Variants in KCNIP1 observed in about 807,000 individuals in gnomAD.
KCNIP1 encodes A-type potassium channel modulatory protein KCNIP1.
A neutral mutation model predicts 33.0 loss-of-function variants in KCNIP1; 18 were observed. That is an observed-to-expected ratio of 0.55 (90% CI 0.38 to 0.81). KCNIP1 has a LOEUF of 0.81. Among genes scored for constraint, KCNIP1 ranks in the 30% least tolerant of loss-of-function variants. The probability of loss-of-function intolerance (pLI) is 0.00; values close to 1 mark genes in which losing one functional copy is unlikely to be tolerated. For synonymous variants in KCNIP1, 93 were observed against 98.3 expected (o/e 0.95, Z 0.32); for missense variants, 238 against 271.6 (o/e 0.88, Z 0.87).
chr5:170,410,214 A>AG (rs1257370926), intron 1 of KCNIP1, among the ~76,000 whole-genome samples: 1 of 152,122 alleles, frequency 6.6e-6, no homozygotes. Context: ...TCCCCCACTC[A>AG]GGGGATTGCA....
chr5:170,549,181 G>A (rs894839932), intron 1 of KCNIP1, among the ~76,000 whole-genome samples: 3 of 152,292 alleles, frequency 2.0e-5, no homozygotes, highest in Middle Eastern at 3.4e-3. Context: ...TGCTATACAT[G>A]AGCCTTGGTT....
At chr5:170,444,212 T>C (rs2113046076) in intron 1 of KCNIP1, among the ~76,000 whole-genome samples, 1 of 152,166 alleles carries the variant, frequency 6.6e-6, no homozygotes, top group East Asian at 1.9e-4. Context: ...TGGATCCGGG[T>C]GTTGGCAGAG....
chr5:170,586,143 G>A (rs1757981697), intron 1 of KCNIP1, among the ~76,000 whole-genome samples: 1 of 152,222 alleles, frequency 6.6e-6, no homozygotes, highest in East Asian at 1.9e-4. Flanking sequence ...GTGATTATGA[G>A]TGTAAAGAGT....
chr5:170,638,845 ATCCCTGGGAGGC>A (rs1760406712), intron 1 of KCNIP1, among the ~76,000 whole-genome samples: 1 of 152,200 alleles, frequency 6.6e-6, no homozygotes, highest in Non-Finnish European at 1.5e-5. Flanking sequence ...GGCTTCCTGC[ATCCCTGGGAGGC>A]AATGTCCATT....
Position 170,735,738 on chromosome 5 carries a change from C to T in KCNIP1, c.604-21C>T, listed in dbSNP as rs1318981455. ...GGAGGAGACTCAGAGTTCTAACCCT[C>T]TTGCCCTCCTTTTTTCCCAGGACGA... is the stretch of plus-strand genomic sequence containing the variant. On this transcript the variant is annotated intron_variant, in intron 7 of 7. Transcript: ENST00000328939. The T allele has an allele frequency of 3.7e-6, 6 of 1,612,314 alleles. No individual in the cohort carries two copies. The Admixed American group carries it at 8.3e-5, about 22-fold the overall frequency.
chr5:170,626,341 C>T (rs1759821558), intron 1 of KCNIP1, among the ~76,000 whole-genome samples: 1 of 152,190 alleles, frequency 6.6e-6, no homozygotes, highest in African/African-American at 2.4e-5. Flanking sequence ...TGGATTCAAT[C>T]CAGGACTTGC....
intron 1 of KCNIP1, among the ~76,000 whole-genome samples, chr5:170,465,867 T>C (rs1348736414): frequency 6.6e-6 from 1 of 152,076 alleles, no homozygotes; most frequent in Non-Finnish European, 1.5e-5. Context: ...TTCCTGCAAC[T>C]GAAAGAAGAC....
At chr5:170,406,167 TG>T (rs1330873179) in intron 1 of KCNIP1, among the ~76,000 whole-genome samples, 1 of 151,980 alleles carries the variant, frequency 6.6e-6, no homozygotes, top group Non-Finnish European at 1.5e-5. Flanking sequence ...TAAAAATATT[TG>T]GCTCTAATAT....
chr5:170,714,544 A>G (rs1317201852), intron 1 of KCNIP1, among the ~76,000 whole-genome samples: 2 of 152,198 alleles, frequency 1.3e-5, no homozygotes, highest in African/African-American at 2.4e-5. Context: ...TCAGCAACAC[A>G]ACATACACAA....
At chr5:170,400,824 GA>G in intron 1 of KCNIP1, among the ~76,000 whole-genome samples, 1 of 152,334 alleles carries the variant, frequency 6.6e-6, no homozygotes, top group Middle Eastern at 3.4e-3. Context: ...TGTGGTGGTG[GA>G]AATGTTCTAT....
intron 1 of KCNIP1, among the ~76,000 whole-genome samples, chr5:170,488,075 A>G (rs1757135172): frequency 6.6e-6 from 1 of 152,202 alleles, no homozygotes; most frequent in African/African-American, 2.4e-5. Flanking sequence ...AACCCCCAAT[A>G]TAAGCTGATG....
At chr5:170,594,541 C>T (rs759272075) in intron 1 of KCNIP1, among the ~76,000 whole-genome samples, 4 of 152,114 alleles carry the variant, frequency 2.6e-5, no homozygotes, top group Admixed American at 1.3e-4. Flanking sequence ...GACAGAGTCT[C>T]GCTCTGCCAC....
At chr5:170,686,957 C>T (rs1480208833) in intron 1 of KCNIP1, among the ~76,000 whole-genome samples, 1 of 151,962 alleles carries the variant, frequency 6.6e-6, no homozygotes, top group African/African-American at 2.4e-5. Flanking sequence ...CTCTCCAGCC[C>T]CAAACCTCTC....
intron 1 of KCNIP1, among the ~76,000 whole-genome samples, chr5:170,367,376 A>G (rs953002880): frequency 3.3e-4 from 39 of 116,458 alleles, no homozygotes; most frequent in African/African-American, 9.8e-4. Flanking sequence ...AAAGAAAGAA[A>G]GAAAGAAAGA....
intron 1 of KCNIP1, chr5:170,378,513 C>T: frequency 1.5e-6 from 1 of 674,098 alleles, no homozygotes; most frequent in Non-Finnish European, 2.5e-6. Context: ...AGCCACTGTA[C>T]ATTCTTGAGC....
chr5:170,493,870 A>ACT (rs775613709), intron 1 of KCNIP1, among the ~76,000 whole-genome samples: 1 of 151,836 alleles, frequency 6.6e-6, no homozygotes, highest in Non-Finnish European at 1.5e-5. Flanking sequence ...TGCATACTCC[A>ACT]CTCTCTCTCC....
intron 1 of KCNIP1, among the ~76,000 whole-genome samples, chr5:170,410,292 C>A (rs572907819): frequency 8.6e-6 from 1 of 115,842 alleles, no homozygotes; most frequent in South Asian, 2.3e-4. Flanking sequence ...TGTACCAGGT[C>A]CCCCACTCAG....
chr5:170,733,735 G>C lies in KCNIP1; in HGVS notation c.541-101G>C. The C allele has an allele frequency of 1.6e-5, 15 of 955,726 alleles. 1 individual carries two copies. In the South Asian group the frequency reaches 2.1e-4, roughly 13 times the overall value. 59.2% of individuals were successfully genotyped at this position (955,726 alleles called of 1,614,324 possible). On this transcript the variant is annotated intron_variant, in intron 6 of 7. Transcript: ENST00000328939. The stretch of plus-strand genomic sequence containing the variant: ...TTGGTTAATGAAATGAATGAAATGA[G>C]CTCCAGCTCGTTACTCTGAGCTCCA...
chr5:170,380,461 C>T (rs1318902161), intron 1 of KCNIP1, among the ~76,000 whole-genome samples: 1 of 152,268 alleles, frequency 6.6e-6, no homozygotes, highest in East Asian at 1.9e-4. Flanking sequence ...GCCTCGGCCA[C>T]TCCCTGGATT....
Sources: allele counts gnomAD v4.1 joint callset (sites outside exome capture counted in the v4.1 genomes callset), GRCh38; gene constraint gnomAD v4.1.1; transcripts MANE v1.5; gene names NCBI Gene and HGNC (gene_info 2026-07-23, HGNC 2026-07-21).